Variants in STAU2 observed in about 807,000 individuals in gnomAD.
The protein encoded by STAU2 is double-stranded RNA-binding protein Staufen homolog 2.
A neutral mutation model predicts 65.9 loss-of-function variants in STAU2; 20 were observed. That is an observed-to-expected ratio of 0.30 (90% CI 0.21 to 0.44). The LOEUF (loss-of-function observed/expected upper bound fraction) is 0.44, where lower values mean the gene tolerates loss of function less well. Among genes scored for constraint, STAU2 ranks in the 20% least tolerant of loss-of-function variants. The probability of loss-of-function intolerance (pLI) is 1.00; values close to 1 mark genes in which losing one functional copy is unlikely to be tolerated. For synonymous variants in STAU2, 232 were observed against 233.9 expected, an observed-to-expected ratio of 0.99 and a Z score of 0.07; for missense variants, 558 against 683.9, an observed-to-expected ratio of 0.82 and a Z score of 2.05.
At chr8:73,518,962 C>T (rs1374349928) in intron 13 of STAU2, among the ~76,000 whole-genome samples, 1 of 152,130 alleles carries the variant, frequency 6.6e-6, no homozygotes, top group Non-Finnish European at 1.5e-5. Flanking sequence ...TACGAAAGCA[C>T]TTTACCAAAG....
At position 73,688,670 on chromosome 8, in the gene STAU2, A is replaced by G. The variant is rs1218336883; in HGVS notation, c.258T>C (p.Asn86=). 6.2e-7 allele frequency: 1 copy of G among 1,614,152 alleles called. No individual in the cohort carries two copies. Among genetic ancestry groups the G allele is most frequent in the Admixed American group, 1.7e-5 (1 of 60,030 alleles). The change falls in exon 5 of 15, where the codon AAT becomes AAC. Residue 86 remains asparagine (N), a synonymous_variant. Transcript: ENST00000524300. ...CTGCCATACCTGGGTTATTGTTAAC[A>G]TTACTTTTGGGTGGCTTCTGAACTG... ...PKPVQKPPKS[N]VNNNPGSITP...
At chr8:73,523,384 G>A (rs78642586) in intron 13 of STAU2, among the ~76,000 whole-genome samples, 1,619 of 151,878 alleles carry the variant, frequency 0.011, 28 homozygotes, top group African/African-American at 0.038. Context: ...GACTGCATAC[G>A]AGTACGTGAT....
intron 6 of STAU2, among the ~76,000 whole-genome samples, chr8:73,636,348 G>T (rs972642410): frequency 1.3e-5 from 2 of 151,524 alleles, no homozygotes; most frequent in Non-Finnish European, 2.9e-5. Context: ...CTGCACTCCA[G>T]CCTGGGTGAC....
intron 6 of STAU2, among the ~76,000 whole-genome samples, chr8:73,666,612 A>G (rs1259928982): frequency 1.3e-5 from 2 of 152,240 alleles, no homozygotes; most frequent in African/African-American, 4.8e-5. Context: ...AACTTGACCA[A>G]CCTAGCTATA....
chr8:73,618,690 G>T (rs905666529), intron 6 of STAU2, among the ~76,000 whole-genome samples: 4 of 152,198 alleles, frequency 2.6e-5, no homozygotes, highest in African/African-American at 9.7e-5. Context: ...ACACTGTAGG[G>T]GAACAATGCT....
At chr8:73,685,507 G>T (rs945023705) in intron 5 of STAU2, among the ~76,000 whole-genome samples, 2 of 151,482 alleles carry the variant, frequency 1.3e-5, no homozygotes, top group African/African-American at 4.9e-5. Flanking sequence ...CTCCCAAGTA[G>T]CTGGGACTAC....
At chr8:73,638,034 A>G (rs986891646) in intron 6 of STAU2, among the ~76,000 whole-genome samples, 17 of 152,048 alleles carry the variant, frequency 1.1e-4, no homozygotes, top group African/African-American at 4.1e-4. Context: ...CAGATTCGGA[A>G]TACTATTACA....
chr8:73,692,664 A>C (rs904915852), intron 4 of STAU2, among the ~76,000 whole-genome samples: 6 of 152,178 alleles, frequency 3.9e-5, no homozygotes, highest in African/African-American at 1.2e-4. Context: ...AGTTGGTCAC[A>C]AGTTTAGAAG....
intron 6 of STAU2, among the ~76,000 whole-genome samples, chr8:73,656,586 G>C (rs149444118): frequency 6.6e-6 from 1 of 152,050 alleles, no homozygotes; most frequent in East Asian, 1.9e-4. Flanking sequence ...AGTCCAAAAG[G>C]GTAGAAAACA....
chr8:73,465,884 C>T (rs1819626248), intron 13 of STAU2, among the ~76,000 whole-genome samples: 1 of 152,198 alleles, frequency 6.6e-6, no homozygotes, highest in African/African-American at 2.4e-5. Context: ...GATCTGATCT[C>T]AGCTAGCTGC....
intron 13 of STAU2, among the ~76,000 whole-genome samples, chr8:73,460,209 G>A (rs546310121): frequency 2.0e-5 from 3 of 152,174 alleles, no homozygotes; most frequent in Admixed American, 6.5e-5. Context: ...TCGATGCTAC[G>A]GAATAGCTGT....
rs769185719 is a variant in STAU2, at chr8:73,564,668, T to TA, written c.1223-12350dup. 7.0e-4 allele frequency among the ~76,000 whole-genome samples: 103 copies of TA among 147,792 alleles called. No homozygotes were observed. In the South Asian group the frequency reaches 0.02, roughly 28 times the overall value. On this transcript the variant is annotated intron_variant, in intron 12 of 14. Coordinates refer to ENST00000524300, the MANE Select transcript of STAU2 (RefSeq NM_001164380.2). ...ACCCCTGAACTTAAAAAATGAAAGT[T>TA]AAAAAAAAAAGAAAATATACTCAGT...
At chr8:73,526,991 T>C (rs1341814697) in intron 13 of STAU2, among the ~76,000 whole-genome samples, 2 of 152,220 alleles carry the variant, frequency 1.3e-5, no homozygotes, top group Non-Finnish European at 2.9e-5. Flanking sequence ...CATTATGACG[T>C]TTTGGTCAAT....
chr8:73,747,300 A>T, upstream of STAU2: 3 of 1,473,426 alleles, frequency 2.0e-6, no homozygotes, highest in Non-Finnish European at 2.7e-6. Flanking sequence ...CCCCTTCCAC[A>T]CCTGCAACTC....
chr8:73,718,385 C>G (rs2130694230), intron 3 of STAU2, among the ~76,000 whole-genome samples: 2 of 152,278 alleles, frequency 1.3e-5, no homozygotes, highest in South Asian at 4.1e-4. Flanking sequence ...ATCAAAATAA[C>G]CATCTTTGTA....
intron 10 of STAU2, among the ~76,000 whole-genome samples, chr8:73,596,113 TA>T (rs79741976): frequency 0.031 from 4,125 of 134,542 alleles, 62 homozygotes; most frequent in African/African-American, 0.052. Flanking sequence ...ACTCCATCTT[TA>T]AAAAAAAAAA....
At chr8:73,515,950 T>C (rs1202090227) in intron 13 of STAU2, among the ~76,000 whole-genome samples, 6 of 148,698 alleles carry the variant, frequency 4.0e-5, no homozygotes, top group Non-Finnish European at 7.4e-5. Context: ...TTTTTTTTTT[T>C]GGAAAGAGAG....
chr8:73,590,012 G>C (rs1810650879), intron 11 of STAU2, among the ~76,000 whole-genome samples: 1 of 149,234 alleles, frequency 6.7e-6, no homozygotes, highest in Non-Finnish European at 1.5e-5. Context: ...AGAGGGAAGA[G>C]GAGAGAAGAA....
At chr8:73,747,325 C>A, upstream of STAU2, 1 of 1,520,974 alleles carries the variant, frequency 6.6e-7, no homozygotes, top group Non-Finnish European at 8.8e-7. Context: ...ACTTCCTTCC[C>A]CGCCCGACTG....
Sources: allele counts gnomAD v4.1 joint callset (sites outside exome capture counted in the v4.1 genomes callset), GRCh38; gene constraint gnomAD v4.1.1; transcripts MANE v1.5; gene names NCBI Gene and HGNC (gene_info 2026-07-23, HGNC 2026-07-21).